RELN: variants seen among roughly 807,000 people sequenced by gnomAD.
RELN encodes the protein reelin.
In RELN, 108 loss-of-function variants were observed where a neutral mutation model predicts 427.6. The observed-to-expected ratio is 0.25, with a 90% CI of 0.22 to 0.30. The LOEUF (loss-of-function observed/expected upper bound fraction) is 0.30, where lower values mean the gene tolerates loss of function less well. Among genes scored for constraint, RELN ranks in the 10% least tolerant of loss-of-function variants. The probability of loss-of-function intolerance (pLI) is 1.00; values close to 1 mark genes in which losing one functional copy is unlikely to be tolerated. For missense variants in RELN, 3,715 were observed against 4,302.8 expected (o/e 0.86, Z 3.82); for synonymous variants, 1,524 against 1,513.4 (o/e 1.01, Z -0.16).
chr7:103,820,539 A>G (rs1792988332), intron 3 of RELN, among the ~76,000 whole-genome samples: 4 of 139,754 alleles, frequency 2.9e-5, no homozygotes, highest in Non-Finnish European at 6.2e-5. Flanking sequence ...AAAGAAAAGA[A>G]AAACACTCAT....
At chr7:103,543,082 C>G (rs950002249) in intron 42 of RELN, among the ~76,000 whole-genome samples, 14 of 152,116 alleles carry the variant, frequency 9.2e-5, no homozygotes, top group African/African-American at 3.4e-4. Context: ...TTTAAAGATT[C>G]TTGTGATAGG....
At chr7:103,958,088 C>T (rs1796472441) in intron 1 of RELN, among the ~76,000 whole-genome samples, 1 of 152,196 alleles carries the variant, frequency 6.6e-6, no homozygotes, top group Non-Finnish European at 1.5e-5. Flanking sequence ...AGAATAGTAT[C>T]TACCTCACTG....
chr7:103,932,694 C>T (rs1331002798), intron 1 of RELN, among the ~76,000 whole-genome samples: 2 of 152,124 alleles, frequency 1.3e-5, no homozygotes, highest in Non-Finnish European at 2.9e-5. Flanking sequence ...CATAGGATTC[C>T]CATTCATCTA....
At chr7:103,944,595 G>A (rs1479656512) in intron 1 of RELN, among the ~76,000 whole-genome samples, 1 of 152,172 alleles carries the variant, frequency 6.6e-6, no homozygotes, top group Admixed American at 6.5e-5. Flanking sequence ...TTGTAAGTGA[G>A]GACTTAGGAA....
In RELN at chr7:103,988,843, G is replaced by A. The variant is rs796271666; in HGVS notation, c.226+288C>T. 2.0e-4 allele frequency among the ~76,000 whole-genome samples: 31 copies of A among 152,332 alleles called. No individual in the cohort carries two copies. Among genetic ancestry groups the A allele is most frequent in the African/African-American group, 7.0e-4 (29 of 41,588 alleles). On this transcript the variant is annotated intron_variant, in intron 1 of 64. Coordinates refer to ENST00000428762, the MANE Select transcript of RELN (RefSeq NM_005045.4). This position sits in a 1 kb window ranked among gnomAD's most constrained non-coding sequence, Gnocchi z 4.9. ...TTAAAGTGCCTGCGGTAAGTACGGG[G>A]AGTGAGGGGGAAAGACACCGGCCTC...
intron 50 of RELN, chr7:103,513,614 A>G (rs796140446): frequency 7.2e-5 from 11 of 152,246 alleles, no homozygotes; most frequent in African/African-American, 2.6e-4. Context: ...GGGTGTTTCA[A>G]AGTAAATATT....
intron 3 of RELN, among the ~76,000 whole-genome samples, chr7:103,809,976 C>T (rs2116335953): frequency 6.6e-6 from 1 of 152,266 alleles, no homozygotes; most frequent in Admixed American, 6.5e-5. Context: ...CTCTTGTGTG[C>T]AGTGGAACCT....
At chr7:103,517,065 C>T (rs1316850811) in intron 49 of RELN, among the ~76,000 whole-genome samples, 2 of 152,068 alleles carry the variant, frequency 1.3e-5, no homozygotes, top group African/African-American at 2.4e-5. Flanking sequence ...ATCTTAGACC[C>T]TCACCTGTGC....
intron 7 of RELN, among the ~76,000 whole-genome samples, chr7:103,725,779 T>C (rs1790196173): frequency 6.6e-6 from 1 of 152,098 alleles, no homozygotes; most frequent in South Asian, 2.1e-4. Context: ...TAAAACCCAG[T>C]GAGGGGTGCA....
intron 38 of RELN, among the ~76,000 whole-genome samples, chr7:103,555,943 A>G (rs1272365100): frequency 6.6e-6 from 1 of 152,232 alleles, no homozygotes. Flanking sequence ...TTGCCTCTGC[A>G]AAGAATCTGC....
chr7:103,684,670 C>A (rs1447873343), intron 10 of RELN, among the ~76,000 whole-genome samples: 2 of 152,032 alleles, frequency 1.3e-5, no homozygotes, highest in Admixed American at 6.6e-5. Context: ...GCCATTTAAC[C>A]CCTCTACGCC....
At chr7:103,883,356 C>G (rs1169788321) in intron 2 of RELN, among the ~76,000 whole-genome samples, 2 of 152,276 alleles carry the variant, frequency 1.3e-5, no homozygotes, top group South Asian at 4.1e-4. Context: ...GGAAGCATTC[C>G]CTTTGAAAAC....
chr7:103,490,888 T>A, intron 58 of RELN, 59 bp from the exon 59 acceptor site: 1 of 1,555,956 alleles, frequency 6.4e-7, no homozygotes, highest in Non-Finnish European at 8.8e-7. Context: ...AATCTGTTAA[T>A]GTCAAGGTAA....
rs191605330 is a variant in RELN at position 103,729,621 on chromosome 7, C to G, written c.657-1414G>C. ...AAATCTTCCCTTGGTTACTGTGAAGCAAGACATTAGAAGAGACAACAGCAG... is the reference window on the plus strand; with the variant it reads ...AAATCTTCCCTTGGTTACTGTGAAGGAAGACATTAGAAGAGACAACAGCAG... On this transcript the variant is annotated intron_variant, in intron 6 of 64. Coordinates refer to ENST00000428762, the MANE Select transcript of RELN (RefSeq NM_005045.4). 2.0e-3 allele frequency among the ~76,000 whole-genome samples: 301 copies of G among 152,210 alleles called. 1 individual carries two copies. The highest frequency in any genetic ancestry group is 6.6e-3 in the African/African-American group (273 of 41,568).
At chr7:103,660,906 T>C (rs1290566478) in intron 12 of RELN, among the ~76,000 whole-genome samples, 2 of 152,214 alleles carry the variant, frequency 1.3e-5, no homozygotes, top group Admixed American at 1.3e-4. Flanking sequence ...TTTTTCTTAA[T>C]GTGTTTGCAA....
At chr7:103,594,017 T>A in intron 26 of RELN, 135 bp from the exon 27 acceptor site, 1 of 755,144 alleles carries the variant, frequency 1.3e-6, no homozygotes, top group Middle Eastern at 3.4e-4. Flanking sequence ...CTCTATTTTT[T>A]TTTACTGCTA....
rs1357088642 is a variant in RELN, at chr7:103,620,785, A to C, written c.2703-8982T>G. On this transcript the variant is annotated intron_variant, in intron 20 of 64. Coordinates refer to ENST00000428762, the MANE Select transcript of RELN (RefSeq NM_005045.4). The surrounding 1 kb of genome is among the most constrained non-coding windows in gnomAD (Gnocchi z 4.1). ...CACCGCGCCTGGCCTAACCTGATCC[A>C]CATTTATACCACTTCTCATTAGGAT... Among the ~76,000 whole-genome samples, 2 of 152,042 alleles carry C rather than the reference A, an allele frequency of 1.3e-5. No individual in the cohort carries two copies. Among genetic ancestry groups the C allele is most frequent in the Non-Finnish European group, 2.9e-5 (2 of 67,984 alleles).
In RELN at chr7:103,631,176, G is replaced by T. The variant is rs191136160; in HGVS notation, c.2466-1000C>A. ...TGATTATACAAACAGTACAGAACTG[G>T]TAGGACTTGTTGCAATAGAAGAAAA... On this transcript the variant is annotated intron_variant, in intron 19 of 64. Transcript: ENST00000428762. Among the ~76,000 whole-genome samples the T allele has an allele frequency of 1.3e-4, 20 of 151,544 alleles. No individual in the cohort carries two copies. In the East Asian group the frequency reaches 3.7e-3, roughly 28 times the overall value.
At chr7:103,869,725 ATTTC>A (rs1399085146) in intron 2 of RELN, among the ~76,000 whole-genome samples, 1 of 152,064 alleles carries the variant, frequency 6.6e-6, no homozygotes, top group Non-Finnish European at 1.5e-5. Context: ...CTAGTTATGA[ATTTC>A]TTTGTGACAA....
Sources: gnomAD v4.1 joint callset for allele counts (sites outside exome capture counted in the v4.1 genomes callset) on GRCh38, gnomAD v4.1.1 for gene constraint, Gnocchi (gnomAD v3.1) non-coding constraint, MANE v1.5 for transcripts, NCBI Gene and HGNC (gene_info 2026-07-23, HGNC 2026-07-21) for gene names.